Variants in ENPP1 observed in about 807,000 individuals in gnomAD.
The protein encoded by ENPP1 is ectonucleotide pyrophosphatase/phosphodiesterase family member 1.
A neutral mutation model predicts 122.8 loss-of-function variants in ENPP1; 73 were observed. The ratio of observed to expected loss-of-function variants is 0.59; its 90% CI spans 0.49 to 0.72. The LOEUF is 0.72. Among genes scored for constraint, ENPP1 ranks in the 30% least tolerant of loss-of-function variants. ENPP1 has a pLI of 0.00. For missense variants in ENPP1, 978 were observed against 1,128.1 expected, an observed-to-expected ratio of 0.87 and a Z score of 1.91; for synonymous variants, 367 against 391.6, an observed-to-expected ratio of 0.94 and a Z score of 0.74.
At chr6:131,866,244 C>T (rs1035149211) in intron 11 of ENPP1, among the ~76,000 whole-genome samples, 17 of 152,068 alleles carry the variant, frequency 1.1e-4, no homozygotes, top group Non-Finnish European at 2.9e-5. Flanking sequence ...TTAAAAAAAA[C>T]ACTCTTTCTT....
chr6:131,844,298 A>G lies in ENPP1; in HGVS notation c.241-3478A>G, dbSNP rs151018193. On this transcript the variant is annotated intron_variant, in intron 1 of 24. Transcript: ENST00000647893. ...CTCCCAACAACATAGTTCAAATTTC[A>G]TTTACCAAGATATATTAACTGTGAG... Among the ~76,000 whole-genome samples, 1,251 of 152,346 alleles carry G rather than the reference A, an allele frequency of 8.2e-3. 17 individuals carry two copies. Among genetic ancestry groups the G allele is most frequent in the African/African-American group, 0.028 (1,158 of 41,580 alleles).
At chr6:131,849,954 A>G in intron 2 of ENPP1, 36 bp from the exon 3 acceptor site, 1 of 1,410,178 alleles carries the variant, frequency 7.1e-7, no homozygotes, top group Non-Finnish European at 1.0e-6. Context: ...TTATATAATG[A>G]TTAGAAACAT....
At position 131,864,515 on chromosome 6, in the gene ENPP1, A is replaced by G. The variant is rs761722597; in HGVS notation, c.1035A>G (p.Pro345=). 12 of 1,606,178 alleles carry G rather than the reference A, an allele frequency of 7.5e-6. No individual in the cohort carries two copies. The East Asian group carries it at 2.5e-4, about 33-fold the overall frequency. ...DIYKMYNGSV[P]FEERILAVLQ... ...TTGTTCTTCATTTTAGTTCAGTACC[A>G]TTTGAAGAAAGGATTTTAGCTGTTC... Residue 345 remains proline (P), a synonymous_variant, in exon 10 of 25, where the codon CCA becomes CCG. Coordinates refer to ENST00000647893, the MANE Select transcript of ENPP1 (RefSeq NM_006208.3).
chr6:131,828,190 T>C (rs918137536), intron 1 of ENPP1: 1 of 576,228 alleles, frequency 1.7e-6, no homozygotes, highest in African/African-American at 1.9e-5. Context: ...GATGTGTTTA[T>C]GCTGGCTTTC....
chr6:131,855,111 G>A (rs1283472123), intron 6 of ENPP1, 88 bp downstream of exon 6: 1 of 958,404 alleles, frequency 1.0e-6, no homozygotes, highest in Non-Finnish European at 1.7e-6. Flanking sequence ...AGTACTGGCA[G>A]AACCTAACTG....
intron 11 of ENPP1, among the ~76,000 whole-genome samples, chr6:131,867,696 G>A (rs1476534124): frequency 1.3e-5 from 2 of 152,162 alleles, no homozygotes; most frequent in Admixed American, 1.3e-4. Flanking sequence ...TCTAATCTAA[G>A]TAGTAGCATT....
chr6:131,814,692 C>T (rs537741188), intron 1 of ENPP1, among the ~76,000 whole-genome samples: 1 of 152,232 alleles, frequency 6.6e-6, no homozygotes, highest in South Asian at 2.1e-4. Context: ...TGACATTGCT[C>T]CTTTGGTTTA....
intron 1 of ENPP1, among the ~76,000 whole-genome samples, chr6:131,833,880 T>A (rs1333448793): frequency 6.6e-6 from 1 of 152,184 alleles, no homozygotes; most frequent in Non-Finnish European, 1.5e-5. Context: ...TATGATTACT[T>A]CTGGGGGTTA....
chr6:131,825,159 T>G lies in ENPP1; in HGVS notation c.240+16884T>G, dbSNP rs368959295. ...TTTTATTTTTGTTCTTAGTGACAAG[T>G]TCTGATTTACTTTTGGAAAAATCAT... is the stretch of plus-strand genomic sequence containing the variant. On this transcript the variant is annotated intron_variant, in intron 1 of 24. Transcript: ENST00000647893. Among the ~76,000 whole-genome samples, 101 of 152,338 alleles carry G rather than the reference T, an allele frequency of 6.6e-4. 3 individuals carry two copies. The South Asian group carries it at 0.02, about 31-fold the overall frequency.
intron 1 of ENPP1, among the ~76,000 whole-genome samples, chr6:131,813,516 C>G (rs921359649): frequency 6.8e-6 from 1 of 148,062 alleles, no homozygotes; most frequent in Non-Finnish European, 1.5e-5. Flanking sequence ...GGTGACAGAG[C>G]AAGACTCTGT....
intron 18 of ENPP1, chr6:131,877,984 GA>G (rs921551317): frequency 1.0e-4 from 15 of 150,202 alleles, no homozygotes; most frequent in Non-Finnish European, 1.7e-4. Context: ...GGGGTATATA[GA>G]TGAGAATTAT....
Position 131,883,692 on chromosome 6 carries a change from A to T in ENPP1, c.2231-2A>T. ...AAAAGTTGTCCTCTTTTCTCTTTGTAGAACTAAATAAAAATTCAAGTGGAA... is the reference window on the plus strand; with the variant it reads ...AAAAGTTGTCCTCTTTTCTCTTTGTTGAACTAAATAAAAATTCAAGTGGAA... On this transcript the variant is annotated splice_acceptor_variant, in intron 21 of 24. Coordinates refer to ENST00000647893, the MANE Select transcript of ENPP1 (RefSeq NM_006208.3). LOFTEE classifies it high-confidence loss of function. The T allele has an allele frequency of 7.6e-7, 1 of 1,322,170 alleles. No individual in the cohort carries two copies. Among genetic ancestry groups the T allele is most frequent in the Non-Finnish European group, 1.1e-6 (1 of 914,962 alleles). The allele number at this position is 1,322,170 out of a possible 1,614,324, so 81.9% of individuals were successfully genotyped here.
intron 7 of ENPP1, 24 bp downstream of exon 7, chr6:131,858,771 A>G (rs1781981100): frequency 2.0e-6 from 3 of 1,506,646 alleles, no homozygotes; most frequent in Non-Finnish European, 2.8e-6. Context: ...TTCAACTTCT[A>G]TCTGTTTGAA....
At chr6:131,845,363 A>G in intron 1 of ENPP1, among the ~76,000 whole-genome samples, 1 of 151,100 alleles carries the variant, frequency 6.6e-6, no homozygotes, top group Non-Finnish European at 1.5e-5. Flanking sequence ...TTAAATTATA[A>G]TACACTAAAT....
At chr6:131,851,932 A>G (rs1057063900) in intron 4 of ENPP1, among the ~76,000 whole-genome samples, 2 of 152,190 alleles carry the variant, frequency 1.3e-5, no homozygotes, top group African/African-American at 4.8e-5. Flanking sequence ...GTTCTCACAA[A>G]TACAGTAGTA....
intron 20 of ENPP1, among the ~76,000 whole-genome samples, chr6:131,882,121 A>G (rs1447245384): frequency 6.6e-6 from 1 of 152,004 alleles, no homozygotes; most frequent in Non-Finnish European, 1.5e-5. Context: ...GCAGAATCTG[A>G]AAATATTTGC....
chr6:131,837,541 A>C (rs1207880347), intron 1 of ENPP1, among the ~76,000 whole-genome samples: 2 of 147,636 alleles, frequency 1.4e-5, no homozygotes, highest in African/African-American at 5.2e-5. Flanking sequence ...AAAAAAAAAA[A>C]AACCCAACCA....
chr6:131,810,755 GTTGCAGTGGCAATGTAATT>G (rs1258449391), intron 1 of ENPP1, among the ~76,000 whole-genome samples: 2 of 152,174 alleles, frequency 1.3e-5, no homozygotes, highest in East Asian at 3.9e-4. Flanking sequence ...AGGCAATCAT[GTTGCAGTGGCAATGTAATT>G]TTTACATTAC....
chr6:131,827,273 G>T, intron 1 of ENPP1: 1 of 1,292,584 alleles, frequency 7.7e-7, no homozygotes, highest in South Asian at 1.2e-5. Context: ...ATATGGAGAA[G>T]CGTCTGGAAT....
Sources: allele counts gnomAD v4.1 joint callset (sites outside exome capture counted in the v4.1 genomes callset), GRCh38; gene constraint gnomAD v4.1.1; transcripts MANE v1.5; gene names NCBI Gene and HGNC (gene_info 2026-07-23, HGNC 2026-07-21).